EXOSC4: variants seen among roughly 807,000 people sequenced by gnomAD.
EXOSC4 encodes exosome complex component RRP41.
EXOSC4 carries 14 observed loss-of-function variants against 20.0 expected under a neutral mutation model. The ratio of observed to expected loss-of-function variants is 0.70; its 90% CI spans 0.46 to 1.09. The LOEUF is 1.09. EXOSC4 is among the 50% of genes least tolerant of loss of function. The pLI is 0.00. For missense variants in EXOSC4, 337 were observed against 334.0 expected (o/e 1.01, Z -0.07); for synonymous variants, 148 against 146.4 (o/e 1.01, Z -0.08).
the EXOSC4 span, among the ~76,000 whole-genome samples, chr8:144,073,291 C>G: frequency 6.6e-6 from 1 of 152,126 alleles, no homozygotes; most frequent in Non-Finnish European, 1.5e-5. Context: ...GAAGCTGAGG[C>G]AGGAGACTCG....
the EXOSC4 span, among the ~76,000 whole-genome samples, chr8:144,068,972 G>C: frequency 1.3e-5 from 2 of 152,250 alleles, no homozygotes; most frequent in African/African-American, 4.8e-5. Context: ...CTGCTGCATG[G>C]GGCTGCCTTC....
At chr8:144,070,968 A>T in the EXOSC4 span, among the ~76,000 whole-genome samples, 2 of 152,040 alleles carry the variant, frequency 1.3e-5, no homozygotes, top group African/African-American at 4.8e-5. Flanking sequence ...CTAGGAAGCC[A>T]GAAGTTCTTA....
chr8:144,075,383 C>T (rs1057107863), upstream of EXOSC4, among the ~76,000 whole-genome samples: 10 of 152,156 alleles, frequency 6.6e-5, no homozygotes, highest in African/African-American at 2.2e-4. Context: ...CCCGCCACCA[C>T]GCCCGGCTAA....
intron 1 of EXOSC4, chr8:144,079,712 A>C (rs1554763200): frequency 1.5e-6 from 1 of 685,660 alleles, no homozygotes; most frequent in South Asian, 1.5e-5. Context: ...GATGTTTGTA[A>C]ACTTGGGTTG....
the EXOSC4 span, among the ~76,000 whole-genome samples, chr8:144,068,947 C>T: frequency 3.3e-5 from 5 of 152,360 alleles, no homozygotes; most frequent in East Asian, 7.7e-4. Context: ...CAGTGAGACG[C>T]GGTGGCAGGG....
chr8:144,066,510 C>T, the EXOSC4 span, among the ~76,000 whole-genome samples: 58 of 146,042 alleles, frequency 4.0e-4, no homozygotes, highest in Middle Eastern at 3.8e-3. Flanking sequence ...GGCACCATCT[C>T]GGCTCACTGC....
the EXOSC4 span, among the ~76,000 whole-genome samples, chr8:144,065,940 C>A: frequency 6.7e-6 from 1 of 150,258 alleles, no homozygotes; most frequent in African/African-American, 2.5e-5. Flanking sequence ...TCCCAAGTAG[C>A]TGGGACCACA....
upstream of EXOSC4, among the ~76,000 whole-genome samples, chr8:144,074,393 G>A (rs1166930296): frequency 2.0e-5 from 3 of 152,028 alleles, no homozygotes; most frequent in African/African-American, 7.3e-5. Context: ...TTATGCTATC[G>A]CTAGTCATTC....
chr8:144,078,610 C>T (rs2129919579), upstream of EXOSC4: 1 of 1,163,450 alleles, frequency 8.6e-7, no homozygotes, highest in South Asian at 2.0e-5. This position sits in a 1 kb window ranked among gnomAD's most constrained non-coding sequence, Gnocchi z 4.7. Context: ...TTCCCCGGAA[C>T]CGGAAGTGAT....
the EXOSC4 span, among the ~76,000 whole-genome samples, chr8:144,070,007 C>T: frequency 6.6e-6 from 1 of 152,226 alleles, no homozygotes; most frequent in Non-Finnish European, 1.5e-5. Context: ...GGCTGTTCCG[C>T]CCGGGCGTGC....
intron 1 of EXOSC4, chr8:144,079,134 A>G: frequency 4.7e-6 from 2 of 429,298 alleles, no homozygotes; most frequent in Non-Finnish European, 8.1e-6. Context: ...GCGGCTCTTC[A>G]ACGTGCTAGG....
chr8:144,078,103 CA>C (rs11346122), upstream of EXOSC4: 13,658 of 152,272 alleles, frequency 0.09, 674 homozygotes, highest in African/African-American at 0.13. The surrounding 1 kb of genome is among the most constrained non-coding windows in gnomAD (Gnocchi z 4.7). Context: ...TCTGCATCCT[CA>C]AAGGGAAAAG....
chr8:144,080,274 T>C lies in EXOSC4; in HGVS notation c.411T>C (p.Ala137=). Residue 137 remains alanine (A), a synonymous_variant, in exon 3 of 3, where the codon GCT becomes GCC. Transcript: ENST00000316052. This position sits in a 1 kb window ranked among gnomAD's most constrained non-coding sequence, Gnocchi z 4.9. ...VLQADGGTYA[A]CVNAATLAVL... ...AGGCAGATGGTGGGACCTATGCAGCTTGTGTGAATGCAGCCACGCTGGCAG... is the reference window on the plus strand; with the variant it reads ...AGGCAGATGGTGGGACCTATGCAGCCTGTGTGAATGCAGCCACGCTGGCAG... The C allele has an allele frequency of 6.2e-7, 1 of 1,613,876 alleles. No homozygotes were observed. Among genetic ancestry groups the C allele is most frequent in the Non-Finnish European group, 8.5e-7 (1 of 1,180,020 alleles).
chr8:144,073,259 G>A, the EXOSC4 span, among the ~76,000 whole-genome samples: 7 of 152,060 alleles, frequency 4.6e-5, no homozygotes, highest in Admixed American at 2.0e-4. Flanking sequence ...GGTGGCGGGC[G>A]CCTGTAATCC....
upstream of EXOSC4, among the ~76,000 whole-genome samples, chr8:144,074,061 T>C (rs1835814733): frequency 6.6e-6 from 1 of 151,828 alleles, no homozygotes; most frequent in Admixed American, 6.6e-5. Context: ...CTGTAAGGAG[T>C]TGGCGCTCGA....
upstream of EXOSC4, chr8:144,078,558 A>C: frequency 1.6e-6 from 1 of 632,630 alleles, no homozygotes; most frequent in Non-Finnish European, 2.4e-6. The surrounding 1 kb of genome is among the most constrained non-coding windows in gnomAD (Gnocchi z 4.7). Context: ...GGAACGCCGG[A>C]AACCGCAGAT....
the EXOSC4 span, among the ~76,000 whole-genome samples, chr8:144,070,172 T>G: frequency 1.3e-5 from 2 of 152,164 alleles, no homozygotes; most frequent in African/African-American, 4.8e-5. Context: ...GGAAAAAAAC[T>G]GCAGCTGTTG....
At chr8:144,075,229 A>ATTTTTTTT (rs782139585), upstream of EXOSC4, among the ~76,000 whole-genome samples, 2 of 132,084 alleles carry the variant, frequency 1.5e-5, no homozygotes, top group African/African-American at 5.6e-5. Flanking sequence ...TGTCCAGTTA[A>ATTTTTTTT]TTTTTTTTTT....
upstream of EXOSC4, among the ~76,000 whole-genome samples, chr8:144,076,102 G>A (rs1477789926): frequency 2.0e-5 from 3 of 152,112 alleles, no homozygotes; most frequent in East Asian, 3.9e-4. Context: ...CTAGGGGTCT[G>A]GAATTTGGGC....
Sources: gnomAD v4.1 joint callset for allele counts (sites outside exome capture counted in the v4.1 genomes callset) on GRCh38, gnomAD v4.1.1 for gene constraint, Gnocchi (gnomAD v3.1) non-coding constraint, MANE v1.5 for transcripts, NCBI Gene and HGNC (gene_info 2026-07-23, HGNC 2026-07-21) for gene names.